The following MYO1D variants were observed in gnomAD, a reference collection of about 807,000 sequenced individuals.
MYO1D encodes myosin ID.
In MYO1D, 83 loss-of-function variants were observed where a neutral mutation model predicts 122.0. The ratio of observed to expected loss-of-function variants is 0.68; its 90% CI spans 0.57 to 0.82. MYO1D has a LOEUF of 0.82. Among genes scored for constraint, MYO1D ranks in the 40% least tolerant of loss-of-function variants. The probability of loss-of-function intolerance (pLI) is 0.00; values close to 1 mark genes in which losing one functional copy is unlikely to be tolerated. For missense variants in MYO1D, 1,157 were observed against 1,269.5 expected (o/e 0.91, Z 1.35); for synonymous variants, 464 against 446.9 (o/e 1.04, Z -0.48).
At position 32,719,165 on chromosome 17, in the gene MYO1D, C is replaced by T. The variant is rs570551306; in HGVS notation, c.1913+1858G>A. Among the ~76,000 whole-genome samples, 5 of 152,242 alleles carry T rather than the reference C, an allele frequency of 3.3e-5. No homozygotes were observed. In the South Asian group the frequency reaches 8.3e-4, roughly 25 times the overall value. ...CTCAAGCCAAAATATAATTTTCATC[C>T]TTCATTCCTCTTTATTCCTATTTCA... is the stretch of plus-strand genomic sequence containing the variant. On this transcript the variant is annotated intron_variant, in intron 15 of 21. Coordinates refer to ENST00000318217, the MANE Select transcript of MYO1D (RefSeq NM_015194.3).
At chr17:32,592,212 G>T (rs2087445527) in intron 21 of MYO1D, among the ~76,000 whole-genome samples, 1 of 152,168 alleles carries the variant, frequency 6.6e-6, no homozygotes, top group Non-Finnish European at 1.5e-5. Context: ...GGTTCCCCAG[G>T]AATGTACATG....
At chr17:32,849,056 A>T (rs1778863571) in intron 1 of MYO1D, among the ~76,000 whole-genome samples, 1 of 152,242 alleles carries the variant, frequency 6.6e-6, no homozygotes, top group East Asian at 1.9e-4. Context: ...AGTGTTTTCC[A>T]TGAAAAAATG....
intron 19 of MYO1D, among the ~76,000 whole-genome samples, chr17:32,648,931 T>C (rs772063688): frequency 1.3e-5 from 2 of 152,238 alleles, no homozygotes; most frequent in African/African-American, 4.8e-5. Flanking sequence ...TGTTGGCTTA[T>C]TAGTTATAAC....
chr17:32,638,861 A>G (rs1235811769), intron 19 of MYO1D, 26 bp from the exon 20 acceptor site: 8 of 1,449,592 alleles, frequency 5.5e-6, no homozygotes, highest in Non-Finnish European at 6.8e-6. Flanking sequence ...CCAATAAACC[A>G]TAGTATCTCA....
chr17:32,778,971 G>A (rs1463173326), intron 2 of MYO1D, among the ~76,000 whole-genome samples: 1 of 152,032 alleles, frequency 6.6e-6, no homozygotes, highest in Non-Finnish European at 1.5e-5. Flanking sequence ...TTTTCTATAA[G>A]AGAATTTCTT....
chr17:32,816,687 G>A (rs983743229), intron 1 of MYO1D, among the ~76,000 whole-genome samples: 1 of 152,090 alleles, frequency 6.6e-6, no homozygotes, highest in African/African-American at 2.4e-5. Context: ...TAAATCCTGA[G>A]TTACTTCATT....
chr17:32,723,678 C>A (rs922394890), intron 14 of MYO1D, among the ~76,000 whole-genome samples: 4 of 151,934 alleles, frequency 2.6e-5, no homozygotes, highest in African/African-American at 9.7e-5. Flanking sequence ...TGAAGAAGCC[C>A]GGGATTAAAG....
intron 21 of MYO1D, among the ~76,000 whole-genome samples, chr17:32,534,193 G>A (rs550295362): frequency 6.6e-6 from 1 of 152,118 alleles, no homozygotes; most frequent in Non-Finnish European, 1.5e-5. Flanking sequence ...TAGAGATGGG[G>A]TCTCTCTCTG....
chr17:32,548,429 GA>G (rs113153925), intron 21 of MYO1D, among the ~76,000 whole-genome samples: 7,200 of 132,146 alleles, frequency 0.054, 396 homozygotes, highest in African/African-American at 0.15. Flanking sequence ...CCTGTCTCAA[GA>G]AAAAAAAAAA....
In MYO1D at chr17:32,549,011, C is replaced by G. The variant is rs116094910; in HGVS notation, c.2865-54096G>C. 3.1e-3 allele frequency among the ~76,000 whole-genome samples: 466 copies of G among 152,288 alleles called. 2 individuals are homozygous for G. The highest frequency in any genetic ancestry group is 9.3e-3 in the African/African-American group (385 of 41,570). ...TACAGGCGTGAGCCACCGCGCCTGGCCGACTTTTAATTATTTTTATATATA... is the reference window on the plus strand; with the variant it reads ...TACAGGCGTGAGCCACCGCGCCTGGGCGACTTTTAATTATTTTTATATATA... On this transcript the variant is annotated intron_variant, in intron 21 of 21. Transcript: ENST00000318217.
intron 20 of MYO1D, among the ~76,000 whole-genome samples, chr17:32,619,552 A>T (rs2087827851): frequency 3.3e-5 from 5 of 152,176 alleles, no homozygotes; most frequent in Admixed American, 2.0e-4. Flanking sequence ...ACTGTGATAC[A>T]TTTGGTCTGG....
chr17:32,569,552 C>A (rs999454209), intron 21 of MYO1D, among the ~76,000 whole-genome samples: 1 of 152,216 alleles, frequency 6.6e-6, no homozygotes, highest in Non-Finnish European at 1.5e-5. Flanking sequence ...GTGCCCCAGA[C>A]TGAGACTGGG....
intron 1 of MYO1D, among the ~76,000 whole-genome samples, chr17:32,857,533 C>T (rs768403918): frequency 2.0e-4 from 30 of 149,014 alleles, no homozygotes; most frequent in Non-Finnish European, 4.4e-4. Context: ...TGCAGTGAGC[C>T]GAGATCGCAC....
In MYO1D at chr17:32,765,066, C is replaced by T. The variant is rs1567630596; in HGVS notation, c.847G>A (p.Val283Ile). The T allele has an allele frequency of 7.4e-6, 12 of 1,612,348 alleles. No individual in the cohort carries two copies. In the South Asian group the frequency reaches 8.8e-5, roughly 12 times the overall value. ...AILHLGNLKF[V>I]VDGDTPLIEN... ...ATAAGAGGCGTGTCACCATCTACTACAAATTTTAAATTTCCCTGTATCAAA... is the reference window on the plus strand; with the variant it reads ...ATAAGAGGCGTGTCACCATCTACTATAAATTTTAAATTTCCCTGTATCAAA... Residue 283 changes from valine to isoleucine, a missense_variant, in exon 8 of 22, where the codon GTA becomes ATA. Coordinates refer to ENST00000318217, the MANE Select transcript of MYO1D (RefSeq NM_015194.3).
At chr17:32,795,844 A>G (rs186785069) in intron 1 of MYO1D, among the ~76,000 whole-genome samples, 1 of 152,124 alleles carries the variant, frequency 6.6e-6, no homozygotes, top group Non-Finnish European at 1.5e-5. Flanking sequence ...CTTCCTGTTT[A>G]CAGGAGACTA....
At chr17:32,615,431 C>G (rs1231524108) in intron 20 of MYO1D, among the ~76,000 whole-genome samples, 1 of 152,108 alleles carries the variant, frequency 6.6e-6, no homozygotes, top group Non-Finnish European at 1.5e-5. Flanking sequence ...GATTTCTAGA[C>G]AGAATACTGA....
chr17:32,564,043 C>T (rs2087150357), intron 21 of MYO1D, among the ~76,000 whole-genome samples: 1 of 152,276 alleles, frequency 6.6e-6, no homozygotes, highest in African/African-American at 2.4e-5. Flanking sequence ...CCAGAAGCCA[C>T]TTTGCTGCCT....
At chr17:32,675,925 G>T (rs1444090587) in intron 16 of MYO1D, among the ~76,000 whole-genome samples, 1 of 152,070 alleles carries the variant, frequency 6.6e-6, no homozygotes, top group Non-Finnish European at 1.5e-5. Context: ...TGTTTTACTT[G>T]ATATATCAGA....
Position 32,864,007 on chromosome 17 carries a change from C to CTTTTTTTTT in MYO1D, c.95+12762_95+12770dup, listed in dbSNP as rs560953120. Among the ~76,000 whole-genome samples, 199 of 48,964 alleles carry CTTTTTTTTT rather than the reference C, an allele frequency of 4.1e-3. 58 individuals are homozygous for CTTTTTTTTT. Among genetic ancestry groups the CTTTTTTTTT allele is most frequent in the Middle Eastern group, 0.019 (2 of 104 alleles). 32.1% of individuals were successfully genotyped at this position (48,964 alleles called of 152,430 possible). ...TAATTTTGGTTACAAACATTTCTTCCTTTTTTTTTTTTTTTTTTTTTTTTT... is the reference window on the plus strand; with the variant it reads ...TAATTTTGGTTACAAACATTTCTTCCTTTTTTTTTTTTTTTTTTTTTTTTTTTTTTTTTT... On this transcript the variant is annotated intron_variant, in intron 1 of 21. Coordinates refer to ENST00000318217, the MANE Select transcript of MYO1D (RefSeq NM_015194.3).
Sources: allele counts gnomAD v4.1 joint callset (sites outside exome capture counted in the v4.1 genomes callset), GRCh38; gene constraint gnomAD v4.1.1; transcripts MANE v1.5; gene names NCBI Gene and HGNC (gene_info 2026-07-23, HGNC 2026-07-21).